Variants in F9 observed in about 807,000 individuals in gnomAD.
F9 encodes Christmas factor.
In F9, 2 loss-of-function variants were observed where a neutral mutation model predicts 34.1. That is an observed-to-expected ratio of 0.06 (90% CI 0.02 to 0.18). The LOEUF (loss-of-function observed/expected upper bound fraction) is 0.18. F9 is among the 10% of genes least tolerant of loss of function. The pLI is 1.00. For missense variants in F9, 216 were observed against 345.1 expected (o/e 0.63, Z 2.96); for synonymous variants, 137 against 118.8 (o/e 1.15, Z -1.00).
intron 6 of F9, among the ~76,000 whole-genome samples, chrX:139,553,681 C>T (rs1450614203): frequency 9.2e-6 from 1 of 108,776 alleles, no homozygotes; most frequent in African/African-American, 3.4e-5. Context: ...GGCGTGGTGG[C>T]AGGCGCCTAT....
intron 6 of F9, among the ~76,000 whole-genome samples, chrX:139,551,620 C>A (rs1024906046): frequency 9.0e-6 from 1 of 110,921 alleles, no homozygotes; most frequent in Admixed American, 9.6e-5. Flanking sequence ...GTTGGAAAGT[C>A]TTTAGGCTAA....
chrX:139,561,897 A>C lies in F9; in HGVS notation c.1212A>C (p.Arg404Ser). 2 of 1,211,863 alleles carry C rather than the reference A, an allele frequency of 1.7e-6. No homozygotes were observed. The highest frequency in any genetic ancestry group is 2.2e-6 in the Non-Finnish European group (2 of 895,527). The change falls in exon 8 of 8, where the codon AGA becomes AGC. Residue 404 changes from arginine (R) to serine (S), a missense_variant. Physicochemically the swap from Arg to Ser is moderately radical, Grantham distance 110 (BLOSUM62 -1). Coordinates refer to ENST00000218099, the MANE Select transcript of F9 (RefSeq NM_000133.4). ...GTGCTGGCTTCCATGAAGGAGGTAG[A>C]GATTCATGTCAAGGAGATAGTGGGG... ...MFCAGFHEGG[R>S]DSCQGDSGGP...
chrX:139,544,257 G>A (rs988327625), intron 4 of F9, among the ~76,000 whole-genome samples: 1 of 111,790 alleles, frequency 8.9e-6, no homozygotes, highest in Non-Finnish European at 1.9e-5. Flanking sequence ...TGATTTGGCT[G>A]AACACTTTAG....
intron 7 of F9, 102 bp from the exon 8 acceptor site, chrX:139,561,422 C>A: frequency 1.4e-6 from 1 of 733,014 alleles, no homozygotes; most frequent in Non-Finnish European, 2.0e-6. Context: ...AGAATGAGAT[C>A]TTTAACATTG....
intron 3 of F9, among the ~76,000 whole-genome samples, chrX:139,538,515 C>T (rs1321093): frequency 0.085 from 9,435 of 111,385 alleles, 1,024 homozygotes; most frequent in African/African-American, 0.29. Context: ...CACTACTGGA[C>T]ACTCTTTTAC....
intron 1 of F9, 139 bp downstream of exon 1, chrX:139,530,991 G>C (rs957124020): frequency 1.3e-5 from 7 of 528,061 alleles, no homozygotes; most frequent in Non-Finnish European, 2.3e-5. Context: ...ACGCAGGTTG[G>C]TAAGTACTGG....
intron 1 of F9, among the ~76,000 whole-genome samples, chrX:139,533,290 T>C (rs1414351623): frequency 8.9e-6 from 1 of 111,847 alleles, no homozygotes; most frequent in Non-Finnish European, 1.9e-5. Context: ...ACTGCCAGAG[T>C]CTGAATCCTG....
chrX:139,539,589 A>G (rs886132988), intron 3 of F9, among the ~76,000 whole-genome samples: 2 of 112,621 alleles, frequency 1.8e-5, no homozygotes, highest in African/African-American at 3.2e-5. Flanking sequence ...GTCTCAGCAA[A>G]TGAGTTCCTG....
rs113427375 is a variant in F9 at position 139,561,777 on chromosome X, A to G, written c.1092A>G (p.Arg364=). 6.6e-6 allele frequency: 8 copies of G among 1,210,182 alleles called. No individual in the cohort carries two copies. In the South Asian group the frequency reaches 1.4e-4, roughly 21 times the overall value. ...SGWGRVFHKG[R]SALVLQYLRV... is the part of the protein sequence containing the mutation. ...GGGGAAGAGTCTTCCACAAAGGGAG[A>G]TCAGCTTTAGTTCTTCAGTACCTTA... is the stretch of plus-strand genomic sequence containing the variant. The change falls in exon 8 of 8, where the codon AGA becomes AGG. Residue 364 remains arginine, a synonymous_variant. Coordinates refer to ENST00000218099, the MANE Select transcript of F9 (RefSeq NM_000133.4).
In F9 at chrX:139,541,152, G is replaced by A. The variant is rs1234002716; in HGVS notation, c.354G>A (p.Trp118Ter). 8.4e-7 allele frequency: 1 copy of A among 1,195,795 alleles called. No homozygotes were observed. The highest frequency in any genetic ancestry group is 1.1e-6 in the Non-Finnish European group (1 of 884,829). ...ATGACATTAATTCCTATGAATGTTG[G>A]TGTCCCTTTGGATTTGAAGGAAAGA... Reference protein sequence around the residue: ...CKDDINSYECWCPFGFEGKNC... With the variant: ...CKDDINSYEC The change falls in exon 4 of 8, where the codon TGG (tryptophan) becomes TGA (stop). Residue 118 changes from tryptophan (W) to a stop codon, truncating the protein, a stop_gained. Coordinates refer to ENST00000218099, the MANE Select transcript of F9 (RefSeq NM_000133.4). LOFTEE classifies it high-confidence loss of function.
At chrX:139,548,714 C>T (rs1474727886) in intron 5 of F9, among the ~76,000 whole-genome samples, 1 of 111,659 alleles carries the variant, frequency 9.0e-6, no homozygotes, top group Non-Finnish European at 1.9e-5. Flanking sequence ...TCCAATTTGT[C>T]CAATTTTTTT....
At chrX:139,537,332 C>A (rs1480357047) in intron 2 of F9, 30 bp from the exon 3 acceptor site, 1 of 1,174,901 alleles carries the variant, frequency 8.5e-7, no homozygotes, top group Non-Finnish European at 1.2e-6. Context: ...TAGATATTAC[C>A]GTTAATTTGT....
intron 5 of F9, among the ~76,000 whole-genome samples, chrX:139,548,746 G>C (rs1312938954): frequency 9.0e-6 from 1 of 111,619 alleles, no homozygotes; most frequent in Non-Finnish European, 1.9e-5. Context: ...ATATCACAAA[G>C]CAATTAATTT....
At chrX:139,535,159 T>A (rs1423494078) in intron 1 of F9, among the ~76,000 whole-genome samples, 1 of 111,222 alleles carries the variant, frequency 9.0e-6, no homozygotes, top group Non-Finnish European at 1.9e-5. Flanking sequence ...GACACCAGCC[T>A]GGCCAACAAG....
chrX:139,554,203 A>G (rs1927915848), intron 6 of F9, among the ~76,000 whole-genome samples: 1 of 111,840 alleles, frequency 8.9e-6, no homozygotes, highest in Non-Finnish European at 1.9e-5. Flanking sequence ...ACTTATAGTT[A>G]TTGTACCTGT....
intron 1 of F9, 50 bp from the exon 2 acceptor site, chrX:139,536,960 T>C (rs1185219316): frequency 2.8e-6 from 3 of 1,090,736 alleles, no homozygotes; most frequent in Non-Finnish European, 3.8e-6. Context: ...AAAATTTTCA[T>C]GATGTTTTCT....
rs1218031365 is a variant in F9, at chrX:139,563,234, A to G, written c.*1163A>G. ...GTTGCCTAGACCAGAGGACATAAGT[A>G]TCATGTCTCCTTTAACTAGCATACC... On this transcript the variant is annotated 3_prime_UTR_variant, in exon 8 of 8. Coordinates refer to ENST00000218099, the MANE Select transcript of F9 (RefSeq NM_000133.4). The G allele has an allele frequency of 9.0e-6, 1 of 110,863 alleles. No homozygotes were observed. The highest frequency in any genetic ancestry group is 3.3e-5 in the African/African-American group (1 of 30,461). The allele number at this position is 110,863 out of a possible 1,213,427, so 9.1% of individuals were successfully genotyped here. A position where few individuals can be genotyped will look rare whatever the true frequency, so the allele number is the denominator to read the frequency against.
At chrX:139,534,736 C>T (rs1927416731) in intron 1 of F9, among the ~76,000 whole-genome samples, 1 of 111,589 alleles carries the variant, frequency 9.0e-6, no homozygotes, top group African/African-American at 3.3e-5. Context: ...ATCCACAGAT[C>T]TTGATATTTG....
chrX:139,552,446 G>A (rs958653372), intron 6 of F9, among the ~76,000 whole-genome samples: 9 of 111,919 alleles, frequency 8.0e-5, no homozygotes, highest in Non-Finnish European at 1.5e-4. Context: ...AAGAGATTCC[G>A]TCTGTGAGAA....
Sources: allele counts gnomAD v4.1 joint callset (sites outside exome capture counted in the v4.1 genomes callset), GRCh38; gene constraint gnomAD v4.1.1; transcripts MANE v1.5; gene names NCBI Gene and HGNC (gene_info 2026-07-23, HGNC 2026-07-21).